Variants in HPSE2 observed in about 807,000 individuals in gnomAD.
HPSE2 encodes inactive heparanase-2.
In HPSE2, 38 loss-of-function variants were observed where a neutral mutation model predicts 60.5. That is an observed-to-expected ratio of 0.63 (90% confidence interval 0.48 to 0.82). HPSE2 has a LOEUF of 0.82. Ranked by LOEUF, HPSE2 falls within the 40% of genes least tolerant of loss-of-function variation. The probability of loss-of-function intolerance (pLI) is 0.00; values close to 1 mark genes in which losing one functional copy is unlikely to be tolerated. For synonymous variants in HPSE2, 295 were observed against 293.2 expected, an observed-to-expected ratio of 1.01 and a Z score of -0.06; for missense variants, 713 against 740.4, an observed-to-expected ratio of 0.96 and a Z score of 0.43.
chr10:99,174,902 A>C (rs1847461759), intron 2 of HPSE2, among the ~76,000 whole-genome samples: 1 of 152,156 alleles, frequency 6.6e-6, no homozygotes, highest in South Asian at 2.1e-4. Flanking sequence ...CTGCATTTCC[A>C]ACCGAGGTAT....
intron 3 of HPSE2, among the ~76,000 whole-genome samples, chr10:99,136,127 T>C (rs1274928145): frequency 1.3e-5 from 2 of 152,098 alleles, no homozygotes; most frequent in African/African-American, 2.4e-5. Context: ...GCAAATAAAC[T>C]GGAAAATCTA....
chr10:98,960,629 C>T (rs1185673355), intron 3 of HPSE2, among the ~76,000 whole-genome samples: 1 of 149,448 alleles, frequency 6.7e-6, no homozygotes, highest in Non-Finnish European at 1.5e-5. Flanking sequence ...CTCTATAATT[C>T]CACAGCCTTG....
intron 3 of HPSE2, among the ~76,000 whole-genome samples, chr10:98,868,455 G>A (rs935504798): frequency 4.6e-5 from 7 of 152,034 alleles, no homozygotes; most frequent in Admixed American, 3.3e-4. Context: ...ACAGGGTTCT[G>A]TAGTCAATAG....
intron 5 of HPSE2, among the ~76,000 whole-genome samples, chr10:98,716,305 C>G (rs1257262043): frequency 6.6e-6 from 1 of 151,948 alleles, no homozygotes; most frequent in Non-Finnish European, 1.5e-5. Flanking sequence ...GGGCTAGAGT[C>G]CACTTCTTCC....
At chr10:98,517,484 T>C (rs1477241370) in intron 9 of HPSE2, among the ~76,000 whole-genome samples, 1 of 152,190 alleles carries the variant, frequency 6.6e-6, no homozygotes, top group Non-Finnish European at 1.5e-5. Context: ...CGTGGACACA[T>C]GATGCTTGTT....
chr10:99,151,659 C>T lies in HPSE2; in HGVS notation c.449-7260G>A, dbSNP rs190679768. Among the ~76,000 whole-genome samples, 401 of 152,224 alleles carry T rather than the reference C, an allele frequency of 2.6e-3. 2 individuals carry two copies. The highest frequency in any genetic ancestry group is 0.02 in the Middle Eastern group (6 of 294). Reference sequence around the variant, plus strand: ...AACAAGTAATACAATTAATGGCTGACTTCCTCCAATTTGAAACAATGGAGA... The same window carrying T: ...AACAAGTAATACAATTAATGGCTGATTTCCTCCAATTTGAAACAATGGAGA... On this transcript the variant is annotated intron_variant, in intron 2 of 11. Coordinates refer to ENST00000370552, the MANE Select transcript of HPSE2 (RefSeq NM_021828.5).
At chr10:98,568,839 C>T (rs1944418231) in intron 9 of HPSE2, among the ~76,000 whole-genome samples, 1 of 152,100 alleles carries the variant, frequency 6.6e-6, no homozygotes, top group African/African-American at 2.4e-5. Context: ...ATTCCTAATT[C>T]CTGGCAATCT....
intron 6 of HPSE2, among the ~76,000 whole-genome samples, chr10:98,652,290 A>G (rs1946938071): frequency 1.3e-5 from 2 of 152,170 alleles, no homozygotes; most frequent in South Asian, 4.1e-4. Flanking sequence ...TGAGGAAGGA[A>G]ACACCAACAT....
the HPSE2 span, among the ~76,000 whole-genome samples, chr10:99,252,602 C>T: frequency 2.6e-5 from 4 of 152,044 alleles, no homozygotes; most frequent in East Asian, 1.9e-4. Context: ...ACCGGCCAGG[C>T]GCAGTGGCTC....
Position 99,232,438 on chromosome 10 carries a change from T to C in HPSE2, c.358A>G (p.Thr120Ala), listed in dbSNP as rs1034615583. 8.4e-6 allele frequency: 13 copies of C among 1,556,666 alleles called. No homozygotes were observed. The highest frequency in any genetic ancestry group is 1.9e-5 in the Admixed American group (1 of 51,750). Reference protein sequence around the residue: ...PAFLRFGGKRTDFLQFQNLRN... With the variant: ...PAFLRFGGKRADFLQFQNLRN... Reference sequence around the variant, plus strand: ...AGGTTCTGGAACTGCAGGAAGTCGGTCCTTTTGCCCCCGAAGCGCAGAAAG... The same window carrying C: ...AGGTTCTGGAACTGCAGGAAGTCGGCCCTTTTGCCCCCGAAGCGCAGAAAG... The change falls in exon 2 of 12, where the codon ACC becomes GCC. Residue 120 changes from threonine (T) to alanine (A), a missense_variant. Transcript: ENST00000370552.
chr10:99,248,224 T>C, the HPSE2 span, among the ~76,000 whole-genome samples: 1 of 152,186 alleles, frequency 6.6e-6, no homozygotes, highest in Non-Finnish European at 1.5e-5. Flanking sequence ...CCTAGAGCCT[T>C]GTTAAAATGT....
At chr10:99,004,070 A>G (rs1295526477) in intron 3 of HPSE2, among the ~76,000 whole-genome samples, 2 of 151,688 alleles carry the variant, frequency 1.3e-5, no homozygotes, top group East Asian at 3.9e-4. Context: ...GCTCTTTTCC[A>G]TTTGTTTGTT....
At chr10:98,825,407 T>A (rs1951519108) in intron 3 of HPSE2, among the ~76,000 whole-genome samples, 2 of 152,220 alleles carry the variant, frequency 1.3e-5, no homozygotes, top group South Asian at 4.1e-4. Context: ...CTTAAGTGTT[T>A]GCTCTTCCTC....
intron 3 of HPSE2, among the ~76,000 whole-genome samples, chr10:99,090,326 C>A (rs918544931): frequency 6.6e-6 from 1 of 152,084 alleles, no homozygotes; most frequent in African/African-American, 2.4e-5. Flanking sequence ...CTAAAATGGT[C>A]ATTATTATAT....
chr10:98,506,984 T>C (rs934185040), intron 9 of HPSE2, among the ~76,000 whole-genome samples: 2 of 152,234 alleles, frequency 1.3e-5, no homozygotes. Flanking sequence ...AGCTGTATGC[T>C]TCTCGTATAC....
chr10:98,866,638 G>C (rs1459881626), intron 3 of HPSE2, among the ~76,000 whole-genome samples: 1 of 151,978 alleles, frequency 6.6e-6, no homozygotes, highest in African/African-American at 2.4e-5. Context: ...ACCTACAGAG[G>C]AGCAAAGATA....
chr10:99,116,851 A>T (rs2135697870), intron 3 of HPSE2, among the ~76,000 whole-genome samples: 1 of 152,286 alleles, frequency 6.6e-6, no homozygotes, highest in Non-Finnish European at 1.5e-5. Context: ...GCCACCTAGA[A>T]TGCAGGCAGG....
intron 3 of HPSE2, among the ~76,000 whole-genome samples, chr10:99,009,563 G>A (rs779187606): frequency 4.6e-5 from 7 of 152,172 alleles, no homozygotes; most frequent in African/African-American, 1.4e-4. Flanking sequence ...GAGGGAAAAG[G>A]CAGCCAGTTT....
intron 3 of HPSE2, among the ~76,000 whole-genome samples, chr10:98,946,607 C>A (rs941334515): frequency 6.6e-6 from 1 of 151,828 alleles, no homozygotes; most frequent in Admixed American, 6.6e-5. Flanking sequence ...GTTCTGGGAA[C>A]TAAAACTATC....
Sources: gnomAD v4.1 joint callset for allele counts (sites outside exome capture counted in the v4.1 genomes callset) on GRCh38, gnomAD v4.1.1 for gene constraint, MANE v1.5 for transcripts, NCBI Gene and HGNC (gene_info 2026-07-23, HGNC 2026-07-21) for gene names.